PDZRN4: variants seen among roughly 807,000 people sequenced by gnomAD.
PDZRN4 encodes PDZ domain containing ring finger 4.
PDZRN4 carries 70 observed loss-of-function variants against 99.0 expected under a neutral mutation model. That is an observed-to-expected ratio of 0.71 (90% CI 0.58 to 0.86). The LOEUF (loss-of-function observed/expected upper bound fraction) is 0.86, where lower values mean the gene tolerates loss of function less well. PDZRN4 is among the 40% of genes least tolerant of loss of function. The pLI is 0.00. For missense variants in PDZRN4, 1,474 were observed against 1,331.2 expected (o/e 1.11, Z -1.67); for synonymous variants, 551 against 501.6 (o/e 1.10, Z -1.32).
chr12:41,385,125 A>G (rs757260898), intron 3 of PDZRN4, among the ~76,000 whole-genome samples: 2 of 152,216 alleles, frequency 1.3e-5, no homozygotes, highest in Admixed American at 1.3e-4. Context: ...CAGACCATGA[A>G]CAAAATGTGT....
chr12:41,258,733 C>T (rs536004768), intron 3 of PDZRN4, among the ~76,000 whole-genome samples: 2 of 152,112 alleles, frequency 1.3e-5, no homozygotes, highest in African/African-American at 4.8e-5. Flanking sequence ...ATTCCTTGCT[C>T]TTATGGGGTT....
chr12:41,501,945 A>G (rs1006774371), intron 3 of PDZRN4, among the ~76,000 whole-genome samples: 1 of 152,088 alleles, frequency 6.6e-6, no homozygotes, highest in Non-Finnish European at 1.5e-5. Flanking sequence ...TTCAAGTTTC[A>G]TATGATTAAG....
intron 3 of PDZRN4, among the ~76,000 whole-genome samples, chr12:41,224,800 T>C (rs1262531851): frequency 1.3e-5 from 2 of 152,218 alleles, no homozygotes; most frequent in Non-Finnish European, 2.9e-5. Context: ...CTATTGCTAA[T>C]ATTCCAATTG....
At chr12:41,422,856 T>C (rs2120413116) in intron 3 of PDZRN4, among the ~76,000 whole-genome samples, 1 of 152,306 alleles carries the variant, frequency 6.6e-6, no homozygotes, top group African/African-American at 2.4e-5. Flanking sequence ...TGTGTGTGTG[T>C]ACACACATAT....
At chr12:41,508,720 A>G (rs1207945410) in intron 4 of PDZRN4, among the ~76,000 whole-genome samples, 1 of 152,092 alleles carries the variant, frequency 6.6e-6, no homozygotes, top group Non-Finnish European at 1.5e-5. Context: ...GGCCTACACT[A>G]GTTAGACCTG....
chr12:41,247,658 G>C (rs920468830), intron 3 of PDZRN4, among the ~76,000 whole-genome samples: 11 of 152,110 alleles, frequency 7.2e-5, no homozygotes, highest in African/African-American at 2.7e-4. Flanking sequence ...GGCATAGTAG[G>C]CTTGGATAGA....
intron 3 of PDZRN4, among the ~76,000 whole-genome samples, chr12:41,328,085 G>T (rs1441314709): frequency 1.3e-5 from 2 of 152,070 alleles, no homozygotes; most frequent in Non-Finnish European, 2.9e-5. Flanking sequence ...AAGACAAGAG[G>T]TGGTCTACCC....
At chr12:41,560,394 G>T (rs1207931008) in intron 7 of PDZRN4, among the ~76,000 whole-genome samples, 1 of 152,074 alleles carries the variant, frequency 6.6e-6, no homozygotes, top group East Asian at 1.9e-4. Context: ...ACATACAGGA[G>T]ATTGGGCCTA....
chr12:41,469,729 A>C (rs1426395868), intron 3 of PDZRN4, among the ~76,000 whole-genome samples: 3 of 152,100 alleles, frequency 2.0e-5, no homozygotes, highest in Non-Finnish European at 4.4e-5. Context: ...CAGGAGATCG[A>C]GACCATCCTG....
At chr12:41,405,846 A>C (rs1952344009) in intron 3 of PDZRN4, among the ~76,000 whole-genome samples, 1 of 152,136 alleles carries the variant, frequency 6.6e-6, no homozygotes, top group Admixed American at 6.5e-5. Context: ...TTAATGCAGA[A>C]ACAGAAAACC....
At chr12:41,199,269 C>T (rs1950798866) in intron 3 of PDZRN4, among the ~76,000 whole-genome samples, 1 of 152,054 alleles carries the variant, frequency 6.6e-6, no homozygotes, top group African/African-American at 2.4e-5. Flanking sequence ...CTAAATATCA[C>T]TAATCATAGA....
chr12:41,551,737 G>T (rs1003349061), intron 5 of PDZRN4, among the ~76,000 whole-genome samples: 4 of 152,026 alleles, frequency 2.6e-5, no homozygotes, highest in African/African-American at 7.2e-5. Context: ...ATTTACTAAT[G>T]GGTCTTATAT....
At chr12:41,529,694 T>C (rs1015001754) in intron 5 of PDZRN4, among the ~76,000 whole-genome samples, 5 of 152,244 alleles carry the variant, frequency 3.3e-5, no homozygotes, top group African/African-American at 1.2e-4. Flanking sequence ...TTCCTGACTC[T>C]ACTCTTCCTA....
chr12:41,474,048 G>A (rs1953018230), intron 3 of PDZRN4, among the ~76,000 whole-genome samples: 1 of 152,192 alleles, frequency 6.6e-6, no homozygotes, highest in East Asian at 1.9e-4. Flanking sequence ...ACAGCACAGA[G>A]GTGCCTATGG....
chr12:41,215,953 A>G (rs1195051255), intron 3 of PDZRN4, among the ~76,000 whole-genome samples: 14 of 151,956 alleles, frequency 9.2e-5, no homozygotes, highest in Non-Finnish European at 7.4e-5. Context: ...TTTGTAAATC[A>G]TAAAGTGTTC....
Position 41,492,234 on chromosome 12 carries a change from ATTATC to A in PDZRN4, c.844-14217_844-14213del, listed in dbSNP as rs561091016. 3.8e-3 allele frequency among the ~76,000 whole-genome samples: 579 copies of A among 152,324 alleles called. 6 individuals carry two copies. Among genetic ancestry groups the A allele is most frequent in the African/African-American group, 0.013 (553 of 41,580 alleles). On this transcript the variant is annotated intron_variant, in intron 3 of 9. Coordinates refer to ENST00000402685, the MANE Select transcript of PDZRN4 (RefSeq NM_001164595.2). ...AAAACTTATCATCTAAGATTAACTTATTATCTTATTTCTTTTATATGTAAAACCCT... is the reference window on the plus strand; with the variant it reads ...AAAACTTATCATCTAAGATTAACTTATTATTTCTTTTATATGTAAAACCCT...
At chr12:41,454,334 C>T (rs994605264) in intron 3 of PDZRN4, among the ~76,000 whole-genome samples, 1 of 152,218 alleles carries the variant, frequency 6.6e-6, no homozygotes. Context: ...CTCAACACCT[C>T]TTTCCTCCTG....
chr12:41,310,284 A>G (rs1376058012), intron 3 of PDZRN4, among the ~76,000 whole-genome samples: 2 of 152,002 alleles, frequency 1.3e-5, no homozygotes, highest in African/African-American at 2.4e-5. Flanking sequence ...GTGTGTATGC[A>G]TATATTTAAA....
chr12:41,504,362 A>G (rs1160044577), intron 3 of PDZRN4, among the ~76,000 whole-genome samples: 1 of 152,148 alleles, frequency 6.6e-6, no homozygotes, highest in Non-Finnish European at 1.5e-5. Context: ...GGGTTCCTGC[A>G]GGAACAGATC....
Sources: allele counts gnomAD v4.1 joint callset (sites outside exome capture counted in the v4.1 genomes callset), GRCh38; gene constraint gnomAD v4.1.1; transcripts MANE v1.5; gene names NCBI Gene and HGNC (gene_info 2026-07-23, HGNC 2026-07-21).